Variants in NCOA1 observed in about 807,000 individuals in gnomAD.
NCOA1 encodes the protein nuclear receptor coactivator 1, also known as Hin-2 protein.
NCOA1 carries 35 observed loss-of-function variants against 150.9 expected under a neutral mutation model. The ratio of observed to expected loss-of-function variants is 0.23; its 90% CI spans 0.18 to 0.31. The LOEUF is 0.31. Ranked by LOEUF, NCOA1 falls within the 10% of genes least tolerant of loss-of-function variation. The pLI is 1.00. For missense variants in NCOA1, 1,491 were observed against 1,749.3 expected (o/e 0.85, Z 2.63); for synonymous variants, 590 against 630.0 (o/e 0.94, Z 0.95).
chr2:24,632,749 T>G (rs1669762190), intron 3 of NCOA1, among the ~76,000 whole-genome samples: 1 of 152,228 alleles, frequency 6.6e-6, no homozygotes, highest in Non-Finnish European at 1.5e-5. Context: ...TTGTTTCTTA[T>G]AGGGGTATAG....
At chr2:24,548,591 C>T (rs572015325) in intron 1 of NCOA1, among the ~76,000 whole-genome samples, 261 of 152,296 alleles carry the variant, frequency 1.7e-3, no homozygotes, top group South Asian at 6.8e-3. Context: ...AAGTCCCTTC[C>T]GCCTATGAGC....
At chr2:24,509,254 TAA>T (rs1663828965) in intron 1 of NCOA1, among the ~76,000 whole-genome samples, 1 of 152,228 alleles carries the variant, frequency 6.6e-6, no homozygotes, top group Non-Finnish European at 1.5e-5. Flanking sequence ...TCAGAAATAT[TAA>T]AGTGTCCAAG....
chr2:24,602,167 T>C (rs960491528), intron 3 of NCOA1, among the ~76,000 whole-genome samples: 4 of 152,142 alleles, frequency 2.6e-5, no homozygotes, highest in Non-Finnish European at 5.9e-5. Context: ...TGGGGAAGAA[T>C]AGCAACAAGT....
intron 14 of NCOA1, among the ~76,000 whole-genome samples, chr2:24,712,861 A>G (rs1401259116): frequency 1.3e-5 from 2 of 152,118 alleles, no homozygotes; most frequent in African/African-American, 4.8e-5. Context: ...GCTCCCAGAA[A>G]GACAAATGGG....
chr2:24,694,002 G>A (rs1478337271), intron 10 of NCOA1, among the ~76,000 whole-genome samples: 1 of 152,170 alleles, frequency 6.6e-6, no homozygotes, highest in Admixed American at 6.5e-5. Context: ...GTCTTGGAAG[G>A]GGGGCAGCAA....
intron 3 of NCOA1, among the ~76,000 whole-genome samples, chr2:24,599,887 C>T (rs1346597919): frequency 3.3e-5 from 5 of 151,894 alleles, no homozygotes; most frequent in African/African-American, 7.3e-5. Context: ...CCCGCCACCA[C>T]GTCCGGCAAA....
chr2:24,677,906 C>T (rs1025971940), intron 7 of NCOA1, among the ~76,000 whole-genome samples: 1 of 151,924 alleles, frequency 6.6e-6, no homozygotes, highest in African/African-American at 2.4e-5. Context: ...TTCCGGGGTA[C>T]ATGTGTAGGA....
intron 5 of NCOA1, among the ~76,000 whole-genome samples, chr2:24,664,421 G>A (rs1158374937): frequency 6.6e-6 from 1 of 152,086 alleles, no homozygotes; most frequent in Admixed American, 6.6e-5. Flanking sequence ...ATTAAGAAAA[G>A]TAAATGGGGC....
At chr2:24,658,857 C>T in intron 5 of NCOA1, 91 bp downstream of exon 5, 3 of 1,154,538 alleles carry the variant, frequency 2.6e-6, no homozygotes, top group Non-Finnish European at 3.8e-6. Context: ...ACTCCAAGTT[C>T]AGTGGCTTTC....
chr2:24,611,202 A>G (rs1392846152), intron 3 of NCOA1, among the ~76,000 whole-genome samples: 3 of 152,164 alleles, frequency 2.0e-5, no homozygotes, highest in Non-Finnish European at 4.4e-5. Context: ...GAGAACATGC[A>G]GTATTTGGTT....
At chr2:24,602,152 G>T (rs147434179) in intron 3 of NCOA1, among the ~76,000 whole-genome samples, 129 of 152,298 alleles carry the variant, frequency 8.5e-4, no homozygotes, top group African/African-American at 2.8e-3. Context: ...GACAAGTCAT[G>T]TGATTGGGGA....
At chr2:24,602,464 G>C (rs575085093) in intron 3 of NCOA1, among the ~76,000 whole-genome samples, 1 of 152,282 alleles carries the variant, frequency 6.6e-6, no homozygotes, top group South Asian at 2.1e-4. Context: ...GCCTGCCTAA[G>C]TGCTGGGATT....
At chr2:24,617,824 G>A (rs1298660190) in intron 3 of NCOA1, among the ~76,000 whole-genome samples, 1 of 152,028 alleles carries the variant, frequency 6.6e-6, no homozygotes, top group Non-Finnish European at 1.5e-5. Context: ...ACAAAAAATT[G>A]GAGCCAATCT....
chr2:24,706,153 G>A (rs572510259), intron 12 of NCOA1, among the ~76,000 whole-genome samples: 232 of 152,136 alleles, frequency 1.5e-3, no homozygotes, highest in African/African-American at 4.9e-3. Flanking sequence ...ATAAATAAGT[G>A]CTTTATAAAC....
chr2:24,562,849 A>G (rs1666342448), intron 1 of NCOA1, among the ~76,000 whole-genome samples: 1 of 152,180 alleles, frequency 6.6e-6, no homozygotes, highest in Admixed American at 6.5e-5. Context: ...GGTAGAGTGC[A>G]TCCAAGGGAA....
At chr2:24,678,615 T>A (rs1047479688) in intron 7 of NCOA1, among the ~76,000 whole-genome samples, 17 of 152,240 alleles carry the variant, frequency 1.1e-4, no homozygotes, top group Non-Finnish European at 1.8e-4. Flanking sequence ...ATTGTGGTTT[T>A]GATTTGCATC....
At chr2:24,764,239 C>A (rs899229320) in intron 22 of NCOA1, among the ~76,000 whole-genome samples, 1 of 152,116 alleles carries the variant, frequency 6.6e-6, no homozygotes, top group African/African-American at 2.4e-5. Context: ...AGGTTCAAAC[C>A]CAGGTCTTTC....
intron 4 of NCOA1, among the ~76,000 whole-genome samples, chr2:24,652,652 C>A (rs776429242): frequency 1.3e-5 from 2 of 152,036 alleles, no homozygotes; most frequent in African/African-American, 4.8e-5. Context: ...TTAGCCTTCA[C>A]CTGTTTGGTT....
At chr2:24,596,931 A>G (rs903720787) in intron 3 of NCOA1, among the ~76,000 whole-genome samples, 4 of 152,188 alleles carry the variant, frequency 2.6e-5, no homozygotes, top group Non-Finnish European at 5.9e-5. Flanking sequence ...AGATTCTTCA[A>G]TATTCTAAAT....
Sources: allele counts gnomAD v4.1 joint callset (sites outside exome capture counted in the v4.1 genomes callset), GRCh38; gene constraint gnomAD v4.1.1; transcripts MANE v1.5; gene names NCBI Gene and HGNC (gene_info 2026-07-23, HGNC 2026-07-21).